The following SYT1 variants were observed in gnomAD, a reference collection of about 807,000 sequenced individuals.
SYT1 encodes the protein synaptotagmin-1.
Under a neutral mutation model 44.8 loss-of-function variants are expected in SYT1, and 8 were observed. The observed-to-expected ratio is 0.18, with a 90% CI of 0.10 to 0.32. SYT1 has a LOEUF of 0.32. Among genes scored for constraint, SYT1 ranks in the 10% least tolerant of loss-of-function variants. The probability of loss-of-function intolerance (pLI) is 1.00; values close to 1 mark genes in which losing one functional copy is unlikely to be tolerated. For synonymous variants in SYT1, 154 were observed against 188.8 expected, an observed-to-expected ratio of 0.82 and a Z score of 1.51; for missense variants, 286 against 509.3, an observed-to-expected ratio of 0.56 and a Z score of 4.22.
chr12:78,994,365 T>C (rs1335179542), intron 2 of SYT1, among the ~76,000 whole-genome samples: 1 of 152,210 alleles, frequency 6.6e-6, no homozygotes, highest in East Asian at 1.9e-4. Flanking sequence ...GATGTCTATG[T>C]AGTTTGTCCC....
chr12:78,876,602 T>C (rs1318803799), intron 1 of SYT1, among the ~76,000 whole-genome samples: 1 of 138,284 alleles, frequency 7.2e-6, no homozygotes, highest in East Asian at 2.1e-4. Context: ...CATATACACA[T>C]GTAAATATAT....
intron 1 of SYT1, among the ~76,000 whole-genome samples, chr12:78,912,352 C>T (rs544179950): frequency 1.3e-5 from 2 of 151,686 alleles, no homozygotes; most frequent in South Asian, 2.1e-4. Flanking sequence ...AAAAGAAAGG[C>T]TATGTCAGAA....
chr12:79,222,238 A>G (rs555714245), intron 4 of SYT1, among the ~76,000 whole-genome samples: 1 of 151,856 alleles, frequency 6.6e-6, no homozygotes, highest in South Asian at 2.1e-4. Context: ...TTTGTCTTTG[A>G]TCCTTGACAA....
chr12:79,025,409 A>G (rs1872463782), intron 2 of SYT1, among the ~76,000 whole-genome samples: 1 of 151,664 alleles, frequency 6.6e-6, no homozygotes, highest in Non-Finnish European at 1.5e-5. Context: ...TGATGCTTAA[A>G]TTATATTGAA....
chr12:79,195,432 G>C (rs1403285729), intron 3 of SYT1, among the ~76,000 whole-genome samples: 1 of 150,204 alleles, frequency 6.7e-6, no homozygotes, highest in East Asian at 1.9e-4. Flanking sequence ...GTGGTATATA[G>C]AGTCTACCAG....
intron 3 of SYT1, among the ~76,000 whole-genome samples, chr12:79,053,732 A>G (rs1186164846): frequency 6.6e-6 from 1 of 151,482 alleles, no homozygotes; most frequent in Admixed American, 6.6e-5. Context: ...TAAAACTTAG[A>G]CTATATTATT....
rs958639807 is a variant in SYT1 at position 79,257,708 on chromosome 12, C to T, written c.167-28079C>T. Among the ~76,000 whole-genome samples, 5 of 152,150 alleles carry T rather than the reference C, an allele frequency of 3.3e-5. No homozygotes were observed. The East Asian group carries it at 7.7e-4, about 23-fold the overall frequency. ...TTCACCATGTTAGCCAGGATGATCT[C>T]GATCTCTTGACCTGGTGATCCGCTC... is the stretch of plus-strand genomic sequence containing the variant. On this transcript the variant is annotated intron_variant, in intron 4 of 10. Coordinates refer to ENST00000261205, the MANE Select transcript of SYT1 (RefSeq NM_005639.3).
chr12:79,171,895 G>A (rs910936192), intron 3 of SYT1, among the ~76,000 whole-genome samples: 2 of 151,906 alleles, frequency 1.3e-5, no homozygotes, highest in African/African-American at 4.8e-5. Flanking sequence ...TGTTGAGAAA[G>A]CACTTACACA....
intron 1 of SYT1, among the ~76,000 whole-genome samples, chr12:78,969,321 A>C (rs1404002958): frequency 1.3e-5 from 2 of 152,212 alleles, no homozygotes; most frequent in African/African-American, 4.8e-5. Flanking sequence ...TGACTGAATA[A>C]GATAAAGGTA....
intron 3 of SYT1, among the ~76,000 whole-genome samples, chr12:79,116,737 G>A (rs780347635): frequency 6.6e-5 from 10 of 152,088 alleles, no homozygotes; most frequent in Non-Finnish European, 1.3e-4. Context: ...CTTTATTATA[G>A]GATAACTATT....
chr12:79,423,187 C>T (rs192926673), intron 9 of SYT1, among the ~76,000 whole-genome samples: 36 of 152,204 alleles, frequency 2.4e-4, no homozygotes, highest in African/African-American at 8.4e-4. Flanking sequence ...TGTCTGTGCG[C>T]CCACACATGT....
rs144638014 is a variant in SYT1 at position 79,218,916 on chromosome 12, T to C, written c.166+1231T>C. Among the ~76,000 whole-genome samples, 91 of 152,310 alleles carry C rather than the reference T, an allele frequency of 6.0e-4. 1 individual carries two copies. The highest frequency in any genetic ancestry group is 2.1e-3 in the African/African-American group (89 of 41,584). ...GCTGGATCATATGGTAGTTCTAGTT[T>C]TAATTTTTAAAGAAATCTCCATACT... On this transcript the variant is annotated intron_variant, in intron 4 of 10. Transcript: ENST00000261205.
intron 2 of SYT1, among the ~76,000 whole-genome samples, chr12:79,011,526 C>A (rs1161693097): frequency 2.6e-5 from 4 of 151,896 alleles, no homozygotes; most frequent in African/African-American, 9.7e-5. Context: ...TGTCCCTGAC[C>A]TCTAAGAACT....
intron 3 of SYT1, among the ~76,000 whole-genome samples, chr12:79,115,008 A>T (rs1228420566): frequency 1.3e-5 from 2 of 152,216 alleles, no homozygotes; most frequent in African/African-American, 4.8e-5. Context: ...CTCATTTATC[A>T]TCCTGACCAG....
At chr12:79,384,054 G>C (rs879748521) in intron 9 of SYT1, among the ~76,000 whole-genome samples, 3 of 152,134 alleles carry the variant, frequency 2.0e-5, no homozygotes, top group Admixed American at 1.3e-4. Context: ...AGTAGGCTGA[G>C]AGGTGATCAC....
At chr12:79,219,247 C>T (rs1918200) in intron 4 of SYT1, among the ~76,000 whole-genome samples, 107,367 of 151,830 alleles carry the variant, frequency 0.71, 38,469 homozygotes, top group African/African-American at 0.78. Context: ...ATATTTTGGA[C>T]ATTAACCCCT....
At chr12:79,313,933 G>A (rs1328521574) in intron 8 of SYT1, among the ~76,000 whole-genome samples, 1 of 151,806 alleles carries the variant, frequency 6.6e-6, no homozygotes, top group South Asian at 2.1e-4. Context: ...ACTTTGGGAG[G>A]CCGAGGCGGG....
In SYT1 at chr12:79,449,864, C is replaced by A. The variant is rs1001159303; in HGVS notation, c.*740C>A. On this transcript the variant is annotated 3_prime_UTR_variant, in exon 11 of 11. Transcript: ENST00000261205. ...GGCTTCACTCTTATATTTGAGGAAG[C>A]AACTGAACAGGAGTCAATGATTTCA... 1 of 151,448 alleles carries A rather than the reference C, an allele frequency of 6.6e-6. No homozygotes were observed. Among genetic ancestry groups the A allele is most frequent in the Non-Finnish European group, 1.5e-5 (1 of 67,978 alleles). The allele number at this position is 151,448 out of a possible 1,614,324, so 9.4% of individuals were successfully genotyped here.
At chr12:79,157,473 A>G (rs1241634448) in intron 3 of SYT1, among the ~76,000 whole-genome samples, 1 of 152,196 alleles carries the variant, frequency 6.6e-6, no homozygotes, top group African/African-American at 2.4e-5. Context: ...CCCCCACTTT[A>G]AATGAAACCT....
Sources: allele counts gnomAD v4.1 joint callset (sites outside exome capture counted in the v4.1 genomes callset), GRCh38; gene constraint gnomAD v4.1.1; transcripts MANE v1.5; gene names NCBI Gene and HGNC (gene_info 2026-07-23, HGNC 2026-07-21).